The following SSC4D variants were observed in gnomAD, a reference collection of about 807,000 sequenced individuals.
SSC4D encodes scavenger receptor cysteine rich family member with 4 domains, also known as scavenger receptor cysteine-rich domain-containing group B protein.
Under a neutral mutation model 63.4 loss-of-function variants are expected in SSC4D, and 57 were observed. That is an observed-to-expected ratio of 0.90 (90% CI 0.73 to 1.12). The LOEUF (loss-of-function observed/expected upper bound fraction) is 1.12. Ranked by LOEUF, SSC4D falls within the 50% of genes most tolerant of loss-of-function variation. SSC4D has a pLI of 0.00. For synonymous variants in SSC4D, 352 were observed against 345.4 expected (o/e 1.02, Z -0.21); for missense variants, 791 against 806.4 (o/e 0.98, Z 0.23).
At chr7:76,402,527 C>T (rs1346412731) in intron 2 of SSC4D, among the ~76,000 whole-genome samples, 1 of 151,902 alleles carries the variant, frequency 6.6e-6, no homozygotes, top group Non-Finnish European at 1.5e-5. Flanking sequence ...CTTTGTTGCC[C>T]AGGCTGGTCT....
chr7:76,390,522 G>C, intron 10 of SSC4D, 147 bp from the exon 11 acceptor site: 1 of 766,110 alleles, frequency 1.3e-6, no homozygotes, highest in Non-Finnish European at 2.0e-6. Context: ...TGAAATTAAA[G>C]TAAGATTGGC....
In SSC4D at chr7:76,395,257, C is replaced by T. The variant is rs769939991; in HGVS notation, c.942G>A (p.Pro314=). ...CTGGAGGGCTGAGCTCTTTACCGGA[C>T]GGATCTGTCTGCCAAGCCCAGTCCT... The part of the protein sequence containing the change: ...TREDWAWQTD[P]SATGVGPQPS... Residue 314 remains proline (P), a synonymous_variant, in exon 7 of 11, where the codon CCG becomes CCA. Coordinates refer to ENST00000275560, the MANE Select transcript of SSC4D (RefSeq NM_080744.2). 27 of 1,613,690 alleles carry T rather than the reference C, an allele frequency of 1.7e-5. No individual in the cohort carries two copies. The highest frequency in any genetic ancestry group is 1.7e-4 in the Admixed American group (10 of 59,992).
At chr7:76,394,756 TATATATATATATAAA>T (rs1468110023) in intron 7 of SSC4D, among the ~76,000 whole-genome samples, 2 of 143,904 alleles carry the variant, frequency 1.4e-5, no homozygotes, top group African/African-American at 2.5e-5. Context: ...ATAATATATA[TATATATATATATAAA>T]ATATGTATAA....
intron 4 of SSC4D, among the ~76,000 whole-genome samples, chr7:76,399,976 G>A (rs1804762233): frequency 6.6e-6 from 1 of 152,256 alleles, no homozygotes; most frequent in Admixed American, 6.5e-5. Flanking sequence ...GGACCAAACA[G>A]TGAGACCTCA....
intron 1 of SSC4D, among the ~76,000 whole-genome samples, chr7:76,405,273 A>ATATT (rs1804963619): frequency 7.0e-5 from 1 of 14,346 alleles, no homozygotes; most frequent in Non-Finnish European, 1.2e-4. Context: ...CCAGCTAATT[A>ATATT]TATATATATA....
intron 3 of SSC4D, 24 bp downstream of exon 3, chr7:76,400,984 G>A (rs1162848815): frequency 1.3e-6 from 2 of 1,551,086 alleles, no homozygotes; most frequent in South Asian, 1.2e-5. Flanking sequence ...GTGAGGGTGA[G>A]GAAGGGCGGG....
chr7:76,400,286 C>G lies in SSC4D; in HGVS notation c.475G>C (p.Glu159Gln). The G allele has an allele frequency of 6.8e-7, 1 of 1,472,848 alleles. No individual in the cohort carries two copies. The highest frequency in any genetic ancestry group is 9.0e-7 in the Non-Finnish European group (1 of 1,107,970). The allele number at this position is 1,472,848 out of a possible 1,614,324, so 91.2% of individuals were successfully genotyped here. A position where few individuals can be genotyped will look rare whatever the true frequency, so the allele number is the denominator to read the frequency against. ...CTCCAGGTCCCAGGGCTCCACTCACCATCACACAGGACAGCCACATCCTCG... is the reference window on the plus strand; with the variant it reads ...CTCCAGGTCCCAGGGCTCCACTCACGATCACACAGGACAGCCACATCCTCG... ...HYEDVAVLCD[E>Q]FLPTQPPTRK... Residue 159 changes from glutamate (E) to glutamine (Q), a missense_variant and splice_region_variant, in exon 4 of 11, where the codon GAA becomes CAA. Transcript: ENST00000275560.
At position 76,393,486 on chromosome 7, in the gene SSC4D, C is replaced by T. The variant is rs779488511; in HGVS notation, c.1252G>A (p.Ala418Thr). The T allele has an allele frequency of 6.6e-7, 1 of 1,524,458 alleles. No homozygotes were observed. The highest frequency in any genetic ancestry group is 8.7e-7 in the Non-Finnish European group (1 of 1,143,164). 94.4% of individuals were successfully genotyped at this position (1,524,458 alleles called of 1,614,324 possible). ...LDNVGCAGTEARLSDCFHLGW... is the reference protein window; with the variant it reads ...LDNVGCAGTETRLSDCFHLGW... ...AGGTGGAAGCAGTCGCTCAGGCGAG[C>T]CTCGGTGCCGGCGCAGCCCACGTTG... Residue 418 changes from alanine to threonine, a missense_variant, in exon 9 of 11, where the codon GCT (alanine) becomes ACT (threonine). Transcript: ENST00000275560.
chr7:76,407,964 A>C (rs979906113), intron 1 of SSC4D, among the ~76,000 whole-genome samples: 3 of 152,124 alleles, frequency 2.0e-5, no homozygotes, highest in Admixed American at 6.6e-5. Flanking sequence ...GCAGAGAGGA[A>C]GGAGAGATGC....
chr7:76,393,564 C>A lies in SSC4D; in HGVS notation c.1174G>T (p.Gly392Cys). Reference protein sequence around the residue: ...CREAGCGPALGATGLGHFGYG... With the variant: ...CREAGCGPALCATGLGHFGYG... ...CCGAAGTGGCCCAGTCCCGTAGCGC[C>A]CAGCGCAGGCCCGCAGCCCGCTTCG... is the stretch of plus-strand genomic sequence containing the variant. The change falls in exon 9 of 11, where the codon GGC becomes TGC. Residue 392 changes from glycine to cysteine, a missense_variant. By Grantham distance (159) the Gly-to-Cys change is radical. Transcript: ENST00000275560. 1 of 1,515,146 alleles carries A rather than the reference C, an allele frequency of 6.6e-7. No individual in the cohort carries two copies. The highest frequency in any genetic ancestry group is 8.8e-7 in the Non-Finnish European group (1 of 1,138,364). The allele number at this position is 1,515,146 out of a possible 1,614,324, so 93.9% of individuals were successfully genotyped here.
chr7:76,400,347 G>A lies in SSC4D; in HGVS notation c.414C>T (p.Gly138=). Residue 138 remains glycine (G), a synonymous_variant, in exon 4 of 11, where the codon GGC becomes GGT. Transcript: ENST00000275560. ...AATTGTGGACGCCCCAGCCGCGGCT[G>A]CCGCACTCGCTCAGCGCAGCTTCCT... The part of the protein sequence containing the change: ...RGQEAALSEC[G]SRGWGVHNCF... The A allele has an allele frequency of 6.5e-7, 1 of 1,534,702 alleles. No individual in the cohort carries two copies. The highest frequency in any genetic ancestry group is 8.8e-7 in the Non-Finnish European group (1 of 1,136,282).
chr7:76,400,696 C>CG (rs1804793726), intron 3 of SSC4D, 105 bp from the exon 4 acceptor site: 1 of 1,255,076 alleles, frequency 8.0e-7, no homozygotes, highest in East Asian at 2.7e-5. Flanking sequence ...TTGGTAGAGA[C>CG]GGGGTCTCAC....
In SSC4D at chr7:76,394,245, A is replaced by G. The variant is rs558997265; in HGVS notation, c.947-341T>C. Among the ~76,000 whole-genome samples, 3 of 152,122 alleles carry G rather than the reference A, an allele frequency of 2.0e-5. No homozygotes were observed. The South Asian group carries it at 6.2e-4, about 32-fold the overall frequency. On this transcript the variant is annotated intron_variant, in intron 7 of 10. Transcript: ENST00000275560. ...AATCTCAGCATCATCCCATTGAAAA[A>G]AAAGTTTTTTTAATTTCGAGACAGG... is the stretch of plus-strand genomic sequence containing the variant.
At chr7:76,406,609 G>A (rs1229124523) in intron 1 of SSC4D, among the ~76,000 whole-genome samples, 1 of 151,826 alleles carries the variant, frequency 6.6e-6, no homozygotes, top group Non-Finnish European at 1.5e-5. Flanking sequence ...TCAGCCTCCT[G>A]AGGAGCTGGA....
intron 6 of SSC4D, 90 bp downstream of exon 6, chr7:76,397,428 C>A (rs1804669928): frequency 7.1e-7 from 1 of 1,402,274 alleles, no homozygotes; most frequent in Non-Finnish European, 9.3e-7. Flanking sequence ...CCCTCCCCAT[C>A]CACCTCCCCA....
chr7:76,396,837 A>C lies in SSC4D; in HGVS notation c.868+681T>G, dbSNP rs144711596. Among the ~76,000 whole-genome samples, 8 of 152,230 alleles carry C rather than the reference A, an allele frequency of 5.3e-5. No individual in the cohort carries two copies. In the East Asian group the frequency reaches 1.5e-3, roughly 29 times the overall value. On this transcript the variant is annotated intron_variant, in intron 6 of 10. Transcript: ENST00000275560. ...GCTGAGAAACCCTCCCAAATTGGAG[A>C]GGGCCTAGGTGGGGAGAAAATACTA... is the stretch of plus-strand genomic sequence containing the variant.
rs1584029480 is a variant in SSC4D, at chr7:76,402,703, C to T, written c.133+1604G>A. 2.6e-5 allele frequency among the ~76,000 whole-genome samples: 4 copies of T among 152,134 alleles called. 1 individual carries two copies. Among genetic ancestry groups the T allele is most frequent in the Admixed American group, 2.6e-4 (4 of 15,258 alleles). ...GTTTTTCTTGAGACGGAATTTCGCT[C>T]TTGTTGCCCAGGCTAGAGTGCAATG... On this transcript the variant is annotated intron_variant, in intron 2 of 10. Transcript: ENST00000275560.
chr7:76,407,252 G>A (rs11489557), intron 1 of SSC4D, among the ~76,000 whole-genome samples: 64,329 of 151,950 alleles, frequency 0.42, 13,828 homozygotes, highest in South Asian at 0.53. Context: ...TGAGCCACCA[G>A]GCTTGGCCCT....
rs1209262186 is a variant in SSC4D at position 76,393,861 on chromosome 7, G to A, written c.990C>T (p.Leu330=). The A allele has an allele frequency of 1.1e-5, 17 of 1,606,562 alleles. No individual in the cohort carries two copies. The highest frequency in any genetic ancestry group is 1.4e-5 in the Non-Finnish European group (17 of 1,176,372). The change falls in exon 8 of 11, where the codon CTC becomes CTT. Residue 330 remains leucine (L), a synonymous_variant. Coordinates refer to ENST00000275560, the MANE Select transcript of SSC4D (RefSeq NM_080744.2). ...TCCCCGCGGCCCAGGCGGCGGTGGTGAGCAGTGCTGTCTCCCGGGAAGGCT... is the reference window on the plus strand; with the variant it reads ...TCCCCGCGGCCCAGGCGGCGGTGGTAAGCAGTGCTGTCTCCCGGGAAGGCT... ...GPQPSRETAL[L]TTAAWAAGKK...
Sources: allele counts gnomAD v4.1 joint callset (sites outside exome capture counted in the v4.1 genomes callset), GRCh38; gene constraint gnomAD v4.1.1; transcripts MANE v1.5; gene names NCBI Gene and HGNC (gene_info 2026-07-23, HGNC 2026-07-21).